The following PEX11G variants were observed in gnomAD, a reference collection of about 807,000 sequenced individuals.
The protein encoded by PEX11G is peroxisomal membrane protein 11C.
In PEX11G, 20 loss-of-function variants were observed where a neutral mutation model predicts 22.5. That is an observed-to-expected ratio of 0.89 (90% CI 0.62 to 1.29). The LOEUF (loss-of-function observed/expected upper bound fraction) is 1.29. PEX11G is among the 50% of genes most tolerant of loss of function. PEX11G has a pLI of 0.00. For missense variants in PEX11G, 347 were observed against 331.3 expected, an observed-to-expected ratio of 1.05 and a Z score of -0.37; for synonymous variants, 141 against 154.5, an observed-to-expected ratio of 0.91 and a Z score of 0.65.
At chr19:7,488,850 G>C in intron 1 of PEX11G, 101 bp downstream of exon 1, 1 of 1,233,690 alleles carries the variant, frequency 8.1e-7, no homozygotes, top group Non-Finnish European at 1.2e-6. Flanking sequence ...CCTCTGCGAC[G>C]GAGTATCCTG....
upstream of PEX11G, chr19:7,489,521 C>T: frequency 1.0e-6 from 1 of 983,424 alleles, no homozygotes; most frequent in Non-Finnish European, 1.2e-6. Context: ...TTCTAGAATA[C>T]ATAAATAAAA....
At chr19:7,491,374 A>T (rs2021887645), upstream of PEX11G, among the ~76,000 whole-genome samples, 1 of 148,914 alleles carries the variant, frequency 6.7e-6, no homozygotes, top group Admixed American at 6.8e-5. Context: ...AGTTCAAGCA[A>T]TTCTCCTGCC....
intron 1 of PEX11G, 60 bp from the exon 2 acceptor site, chr19:7,486,086 C>T (rs1243424510): frequency 1.4e-6 from 2 of 1,441,420 alleles, no homozygotes; most frequent in African/African-American, 1.4e-5. Context: ...GAGCTGCATC[C>T]CCCCATACCT....
intron 3 of PEX11G, among the ~76,000 whole-genome samples, chr19:7,480,777 G>A (rs1351488716): frequency 1.3e-5 from 2 of 152,098 alleles, no homozygotes; most frequent in South Asian, 2.1e-4. Context: ...GGGGGCAGCC[G>A]CACCTCACCC....
In PEX11G at chr19:7,485,003, G is replaced by T. The variant is rs543558765; in HGVS notation, c.249+835C>A. Among the ~76,000 whole-genome samples the T allele has an allele frequency of 2.6e-5, 4 of 152,270 alleles. No homozygotes were observed. The South Asian group carries it at 8.3e-4, about 32-fold the overall frequency. On this transcript the variant is annotated intron_variant, in intron 2 of 4. Coordinates refer to ENST00000221480, the MANE Select transcript of PEX11G (RefSeq NM_080662.4). Reference sequence around the variant, plus strand: ...CCACGCAGGGAGCACTTTGGGACAAGACTATAAAACGCCCATGGTGGCTCA... The same window carrying T: ...CCACGCAGGGAGCACTTTGGGACAATACTATAAAACGCCCATGGTGGCTCA...
chr19:7,488,551 G>C (rs1285481239), intron 1 of PEX11G, among the ~76,000 whole-genome samples: 1 of 152,232 alleles, frequency 6.6e-6, no homozygotes. Context: ...TGTAATCCCA[G>C]CACTTTGGGA....
chr19:7,479,408 C>T (rs189143496), intron 3 of PEX11G, among the ~76,000 whole-genome samples: 84 of 152,226 alleles, frequency 5.5e-4, no homozygotes, highest in Middle Eastern at 6.8e-3. Flanking sequence ...CACTTGACCC[C>T]GGGAGGTGGA....
chr19:7,488,907 G>T (rs1033207841), intron 1 of PEX11G, 44 bp downstream of exon 1: 10 of 1,542,140 alleles, frequency 6.5e-6, no homozygotes, highest in South Asian at 3.6e-5. Context: ...TCTGAGCTTG[G>T]GCCAAACTCT....
chr19:7,481,197 G>C (rs1977473586), intron 3 of PEX11G, among the ~76,000 whole-genome samples: 1 of 151,688 alleles, frequency 6.6e-6, no homozygotes, highest in African/African-American at 2.4e-5. Flanking sequence ...ATGGGATTAA[G>C]CTAAGGATTT....
rs557899460 is a variant in PEX11G, at chr19:7,478,304, G to T, written c.491+10C>A. 112 of 1,609,742 alleles carry T rather than the reference G, an allele frequency of 7.0e-5. 2 individuals are homozygous for T. The South Asian group carries it at 1.0e-3, about 15-fold the overall frequency. On this transcript the variant is annotated intron_variant, in intron 4 of 4. Coordinates refer to ENST00000221480, the MANE Select transcript of PEX11G (RefSeq NM_080662.4). Reference sequence around the variant, plus strand: ...GTGGGCCTCCCTGCTGGGTGATCACGGGCTCCTACCTGGTGAAGGGCGCCG... The same window carrying T: ...GTGGGCCTCCCTGCTGGGTGATCACTGGCTCCTACCTGGTGAAGGGCGCCG...
In PEX11G at chr19:7,482,227, C is replaced by T; in HGVS notation, c.250-16G>A. The T allele has an allele frequency of 6.5e-7, 1 of 1,548,154 alleles. No individual in the cohort carries two copies. Among genetic ancestry groups the T allele is most frequent in the Admixed American group, 2.0e-5 (1 of 50,594 alleles). On this transcript the variant is annotated splice_polypyrimidine_tract_variant and intron_variant, in intron 2 of 4. Coordinates refer to ENST00000221480, the MANE Select transcript of PEX11G (RefSeq NM_080662.4). ...CGTCCTCCTCCTGCAGGACCAGGAG[C>T]AGAGGGGGCCTAGGGTCAGACTTAC...
At chr19:7,477,540 T>TGAGTGG (rs1977279713) in intron 4 of PEX11G, 104 bp from the exon 5 acceptor site, 5 of 972,542 alleles carry the variant, frequency 5.1e-6, no homozygotes, top group Non-Finnish European at 7.0e-6. Context: ...CCCCTGCCTG[T>TGAGTGG]GAGTGGGAGG....
chr19:7,494,691 C>T (rs1386951096), intron 1 of PEX11G, among the ~76,000 whole-genome samples: 4 of 152,128 alleles, frequency 2.6e-5, no homozygotes, highest in Non-Finnish European at 4.4e-5. Flanking sequence ...TCACAGCTGG[C>T]CTTGGTGTTG....
chr19:7,487,306 G>A (rs2021705973), intron 1 of PEX11G, among the ~76,000 whole-genome samples: 1 of 152,156 alleles, frequency 6.6e-6, no homozygotes, highest in Non-Finnish European at 1.5e-5. Context: ...CTGAATGGTG[G>A]GCACAGGTGA....
chr19:7,492,527 C>T (rs1195454534), upstream of PEX11G, among the ~76,000 whole-genome samples: 1 of 151,918 alleles, frequency 6.6e-6, no homozygotes, highest in Non-Finnish European at 1.5e-5. Flanking sequence ...CTGCAACCTC[C>T]ACCTCCCAGG....
chr19:7,481,541 T>C (rs1221754483), intron 3 of PEX11G, among the ~76,000 whole-genome samples: 1 of 152,156 alleles, frequency 6.6e-6, no homozygotes, highest in Non-Finnish European at 1.5e-5. Context: ...CCCTGGATCA[T>C]CCAGGTGGTC....
chr19:7,493,597 C>T (rs1453100706), upstream of PEX11G, among the ~76,000 whole-genome samples: 1 of 151,972 alleles, frequency 6.6e-6, no homozygotes, highest in African/African-American at 2.4e-5. Flanking sequence ...CATTGAACTC[C>T]TGGGTTCAAG....
upstream of PEX11G, among the ~76,000 whole-genome samples, chr19:7,493,721 A>G (rs1038678178): frequency 1.3e-5 from 2 of 151,912 alleles, no homozygotes; most frequent in Admixed American, 6.5e-5. Context: ...ACTTGGGTCC[A>G]CTGGCTGAGC....
At chr19:7,485,481 G>A (rs2021601400) in intron 2 of PEX11G, among the ~76,000 whole-genome samples, 1 of 152,058 alleles carries the variant, frequency 6.6e-6, no homozygotes, top group South Asian at 2.1e-4. Context: ...TCAGCCTCCT[G>A]AGTAGCTGGG....
Sources: gnomAD v4.1 joint callset for allele counts (sites outside exome capture counted in the v4.1 genomes callset) on GRCh38, gnomAD v4.1.1 for gene constraint, MANE v1.5 for transcripts, NCBI Gene and HGNC (gene_info 2026-07-23, HGNC 2026-07-21) for gene names.